The following FSTL5 variants were observed in gnomAD, a reference collection of about 807,000 sequenced individuals.
The protein encoded by FSTL5 is follistatin-related protein 5.
Under a neutral mutation model 89.1 loss-of-function variants are expected in FSTL5, and 62 were observed. The observed-to-expected ratio is 0.70, with a 90% confidence interval of 0.57 to 0.86. FSTL5 has a LOEUF of 0.86. Ranked by LOEUF, FSTL5 falls within the 40% of genes least tolerant of loss-of-function variation. FSTL5 has a pLI of 0.00. For synonymous variants in FSTL5, 383 were observed against 346.2 expected (o/e 1.11, Z -1.18); for missense variants, 1,057 against 1,001.6 (o/e 1.06, Z -0.75).
intron 15 of FSTL5, among the ~76,000 whole-genome samples, chr4:161,435,002 G>A (rs983817643): frequency 1.3e-5 from 2 of 152,076 alleles, no homozygotes; most frequent in Non-Finnish European, 2.9e-5. Context: ...CCACTGTGGG[G>A]AATAGTTTGG....
chr4:161,838,230 G>C (rs1279699542), intron 4 of FSTL5, among the ~76,000 whole-genome samples: 1 of 152,154 alleles, frequency 6.6e-6, no homozygotes, highest in Non-Finnish European at 1.5e-5. Context: ...GTAAGAAATT[G>C]TATGTTTTGG....
intron 4 of FSTL5, among the ~76,000 whole-genome samples, chr4:161,789,446 T>A (rs1301608616): frequency 6.6e-6 from 1 of 152,072 alleles, no homozygotes; most frequent in African/African-American, 2.4e-5. Flanking sequence ...ATAAAAAAAA[T>A]TATTGTCTAT....
chr4:161,526,358 T>C (rs150793080), intron 10 of FSTL5, among the ~76,000 whole-genome samples: 1 of 152,330 alleles, frequency 6.6e-6, no homozygotes, highest in African/African-American at 2.4e-5. Flanking sequence ...TATTGTAGAA[T>C]GTTTCCAAAG....
At chr4:161,536,157 A>T (rs1331901999) in intron 10 of FSTL5, among the ~76,000 whole-genome samples, 5 of 152,106 alleles carry the variant, frequency 3.3e-5, no homozygotes, top group Admixed American at 6.6e-5. Context: ...TACCTGGATG[A>T]TGTGATCACT....
At chr4:162,132,992 G>C (rs557363634) in intron 1 of FSTL5, among the ~76,000 whole-genome samples, 33 of 152,256 alleles carry the variant, frequency 2.2e-4, no homozygotes, top group South Asian at 1.7e-3. Context: ...GCCCAGGCTG[G>C]AGTGCAGTGG....
intron 4 of FSTL5, among the ~76,000 whole-genome samples, chr4:161,880,402 T>C (rs1262403701): frequency 6.6e-6 from 1 of 152,078 alleles, no homozygotes; most frequent in South Asian, 2.1e-4. Context: ...ATAATATTTG[T>C]CATTCATAAA....
intron 1 of FSTL5, among the ~76,000 whole-genome samples, chr4:162,158,116 G>T (rs1492464): frequency 1.3e-5 from 2 of 151,890 alleles, no homozygotes; most frequent in Admixed American, 1.3e-4. Context: ...GAAGGATTAC[G>T]TATGAGTAGC....
intron 4 of FSTL5, among the ~76,000 whole-genome samples, chr4:161,784,106 T>A (rs989592015): frequency 6.6e-6 from 1 of 151,822 alleles, no homozygotes; most frequent in Non-Finnish European, 1.5e-5. Context: ...AGGCTAATTT[T>A]TGTCTTTTTA....
At chr4:161,780,448 C>T (rs113415303) in intron 4 of FSTL5, among the ~76,000 whole-genome samples, 1 of 152,298 alleles carries the variant, frequency 6.6e-6, no homozygotes, top group Non-Finnish European at 1.5e-5. Context: ...TCACTTCATG[C>T]TCTGGGAGAC....
At chr4:161,754,111 T>A (rs996299417) in intron 6 of FSTL5, among the ~76,000 whole-genome samples, 1 of 148,288 alleles carries the variant, frequency 6.7e-6, no homozygotes, top group Non-Finnish European at 1.5e-5. Context: ...TAAAAGTTAA[T>A]AATTAGGTGA....
chr4:161,620,446 G>A (rs997452882), intron 7 of FSTL5, among the ~76,000 whole-genome samples: 2 of 152,110 alleles, frequency 1.3e-5, no homozygotes, highest in Non-Finnish European at 2.9e-5. Flanking sequence ...CCTGAGGTCG[G>A]CATTTTGAAA....
At chr4:161,682,279 G>A (rs779034832) in intron 6 of FSTL5, among the ~76,000 whole-genome samples, 78 of 152,114 alleles carry the variant, frequency 5.1e-4, no homozygotes, top group African/African-American at 1.6e-3. Context: ...TTTTATAACC[G>A]CTGTATACTT....
chr4:161,974,163 C>T (rs539559728), intron 3 of FSTL5, among the ~76,000 whole-genome samples: 15 of 152,212 alleles, frequency 9.9e-5, no homozygotes, highest in African/African-American at 3.1e-4. Flanking sequence ...GAATCAATAT[C>T]GTGAAAATGG....
At chr4:161,722,148 G>A in intron 6 of FSTL5, among the ~76,000 whole-genome samples, 1 of 152,124 alleles carries the variant, frequency 6.6e-6, no homozygotes, top group Non-Finnish European at 1.5e-5. Flanking sequence ...TCTGGGATTA[G>A]TTCCCAGAAA....
intron 2 of FSTL5, among the ~76,000 whole-genome samples, chr4:162,107,388 C>T (rs115479511): frequency 0.017 from 2,624 of 152,164 alleles, 36 homozygotes; most frequent in Non-Finnish European, 0.026. Context: ...CAATCAATGC[C>T]CAGTGACATG....
At chr4:161,600,740 C>CA (rs1024376809) in intron 7 of FSTL5, among the ~76,000 whole-genome samples, 1 of 151,990 alleles carries the variant, frequency 6.6e-6, no homozygotes. Flanking sequence ...TCGAATGGCC[C>CA]AAAAAACCTA....
At chr4:161,597,374 C>T (rs1036641818) in intron 7 of FSTL5, among the ~76,000 whole-genome samples, 1 of 148,840 alleles carries the variant, frequency 6.7e-6, no homozygotes, top group Non-Finnish European at 1.5e-5. Context: ...CAAACTATCC[C>T]AAGGACAAAA....
intron 6 of FSTL5, among the ~76,000 whole-genome samples, chr4:161,698,199 G>C (rs1409663009): frequency 6.6e-6 from 1 of 152,038 alleles, no homozygotes; most frequent in Non-Finnish European, 1.5e-5. Context: ...GAAACAAGTG[G>C]GCCCTCACCA....
Position 161,593,554 on chromosome 4 carries a change from C to T in FSTL5, c.895-5979G>A, listed in dbSNP as rs1419233531. ...GAAGAGGAGAAGGAGGAGGAGGAGT[C>T]AAGGAAGAAGGGATGAGGAGGGGGA... On this transcript the variant is annotated intron_variant, in intron 7 of 15. Transcript: ENST00000306100. Among the ~76,000 whole-genome samples the T allele has an allele frequency of 1.6e-4, 22 of 138,460 alleles. No individual in the cohort carries two copies. The Admixed American group carries it at 1.7e-3, about 11-fold the overall frequency. The allele number at this position is 138,460 out of a possible 152,430, so 90.8% of individuals were successfully genotyped here. A position where few individuals can be genotyped will look rare whatever the true frequency, so the allele number is the denominator to read the frequency against.
Sources: allele counts gnomAD v4.1 joint callset (sites outside exome capture counted in the v4.1 genomes callset), GRCh38; gene constraint gnomAD v4.1.1; transcripts MANE v1.5; gene names NCBI Gene and HGNC (gene_info 2026-07-23, HGNC 2026-07-21).